GPR21: variants seen among roughly 807,000 people sequenced by gnomAD.
GPR21 encodes G protein-coupled receptor 21.
In GPR21, 9 loss-of-function variants were observed where a neutral mutation model predicts 21.5. The observed-to-expected ratio is 0.42, with a 90% CI of 0.25 to 0.73. The LOEUF (loss-of-function observed/expected upper bound fraction) is 0.73. Ranked by LOEUF, GPR21 falls within the 30% of genes least tolerant of loss-of-function variation. The pLI, the probability that GPR21 is intolerant of heterozygous loss-of-function variation, is 0.27. For synonymous variants in GPR21, 169 were observed against 159.3 expected (o/e 1.06, Z -0.46); for missense variants, 416 against 428.9 (o/e 0.97, Z 0.27).
chr9:123,035,580 TAGAAGC>T lies in GPR21; in HGVS notation c.1016_1021del (p.Arg339_Ser340del). Reference sequence around the variant, plus strand: ...CTACAGCCAACGACCCTTACACAGTTAGAAGCAAAGGCCCTCTTAATGGATGTCATA... The same window carrying T: ...CTACAGCCAACGACCCTTACACAGTTAAAGGCCCTCTTAATGGATGTCATA... On this transcript the variant is annotated inframe_deletion, in exon 2 of 2. Transcript: ENST00000616002. 1 of 1,604,222 alleles carries T rather than the reference TAGAAGC, an allele frequency of 6.2e-7. No homozygotes were observed.
At chr9:123,038,381 C>T (rs375982482), downstream of GPR21, among the ~76,000 whole-genome samples, 7 of 151,796 alleles carry the variant, frequency 4.6e-5, no homozygotes, top group Middle Eastern at 3.4e-3. Flanking sequence ...TTTTTTTTAC[C>T]GTAAATGCAT....
the GPR21 span, among the ~76,000 whole-genome samples, chr9:123,046,750 A>G: frequency 6.6e-6 from 1 of 152,258 alleles, no homozygotes; most frequent in South Asian, 2.1e-4. Flanking sequence ...GAATAAATTC[A>G]GAAAGATAAA....
Position 123,034,892 on chromosome 9 carries a change from T to C in GPR21, c.326T>C (p.Val109Ala). 1 of 1,613,702 alleles carries C rather than the reference T, an allele frequency of 6.2e-7. No individual in the cohort carries two copies. The highest frequency in any genetic ancestry group is 1.3e-5 in the African/African-American group (1 of 75,040). Reference protein sequence around the residue: ...SLTCQIFGFVVSVLKSVSMAS... With the variant: ...SLTCQIFGFVASVLKSVSMAS... ...ACTTGCCAGATATTTGGTTTTGTAG[T>C]ATCAGTTCTGAAGAGCGTCTCCATG... Residue 109 changes from valine (V) to alanine (A), a missense_variant, in exon 2 of 2, where the codon GTA becomes GCA. Physicochemically the swap from Val to Ala is moderately conservative, Grantham distance 64 (BLOSUM62 0). Coordinates refer to ENST00000616002, the MANE Select transcript of GPR21 (RefSeq NM_005294.3).
Position 123,035,506 on chromosome 9 carries a change from G to A in GPR21, c.940G>A (p.Gly314Arg), listed in dbSNP as rs1327214067. Residue 314 changes from glycine (G) to arginine (R), a missense_variant, in exon 2 of 2, where the codon GGA becomes AGA. Coordinates refer to ENST00000616002, the MANE Select transcript of GPR21 (RefSeq NM_005294.3). ...TCTCTCCAACAGTGTATTCCAAAGAGGACTAAAGCGCCTCTCAGGGGCTAT... is the reference window on the plus strand; with the variant it reads ...TCTCTCCAACAGTGTATTCCAAAGAAGACTAAAGCGCCTCTCAGGGGCTAT... ...YSLSNSVFQR[G>R]LKRLSGAMCT... 1 of 1,613,978 alleles carries A rather than the reference G, an allele frequency of 6.2e-7. No homozygotes were observed. Among genetic ancestry groups the A allele is most frequent in the Non-Finnish European group, 8.5e-7 (1 of 1,179,886 alleles).
chr9:123,034,330 C>T lies in GPR21; in HGVS notation c.-237C>T, dbSNP rs183137480. ...TGTATGGTGAACCTGGCACTATGGC[C>T]GCGTCTGGGACTGGCCAGACAACTG... On this transcript the variant is annotated 5_prime_UTR_variant, in exon 2 of 2. Transcript: ENST00000616002. 2.0e-5 allele frequency: 11 copies of T among 542,428 alleles called. No individual in the cohort carries two copies. Among genetic ancestry groups the T allele is most frequent in the South Asian group, 5.9e-5 (2 of 33,794 alleles). The allele number at this position is 542,428 out of a possible 1,614,324, so 33.6% of individuals were successfully genotyped here. A position where few individuals can be genotyped will look rare whatever the true frequency, so the allele number is the denominator to read the frequency against.
chr9:123,044,961 C>T, the GPR21 span, among the ~76,000 whole-genome samples: 1 of 152,064 alleles, frequency 6.6e-6, no homozygotes, highest in Non-Finnish European at 1.5e-5. Context: ...AAGTGATCTA[C>T]AATTTAACAA....
At chr9:123,039,120 G>A (rs956484714), downstream of GPR21, among the ~76,000 whole-genome samples, 2 of 152,130 alleles carry the variant, frequency 1.3e-5, no homozygotes, top group Non-Finnish European at 2.9e-5. Context: ...TCTTCTACAT[G>A]TAAGGAAGCC....
the GPR21 span, among the ~76,000 whole-genome samples, chr9:123,041,772 T>C: frequency 7.3e-4 from 111 of 152,222 alleles, no homozygotes; most frequent in Admixed American, 1.8e-3. Context: ...GCCTGATTTG[T>C]CTATTGACCA....
At chr9:123,038,369 A>AT (rs534550432), downstream of GPR21, among the ~76,000 whole-genome samples, 551 of 151,754 alleles carry the variant, frequency 3.6e-3, 1 homozygote, top group Admixed American at 0.014. Flanking sequence ...GAAAACTTGA[A>AT]TTTTTTTTTA....
chr9:123,034,798 GT>G lies in GPR21; in HGVS notation c.234del (p.Val80Ter). 1 of 1,613,856 alleles carries G rather than the reference GT, an allele frequency of 6.2e-7. No individual in the cohort carries two copies. The highest frequency in any genetic ancestry group is 1.7e-5 in the Admixed American group (1 of 60,004). On this transcript the variant is annotated frameshift_variant, in exon 2 of 2. Transcript: ENST00000616002. LOFTEE classifies it high-confidence loss of function. ...GACTATGGCATATGCTGACCTTTTT[GT>G]TGGGGTGAGCTGCGTGGTCCCTTCT... ...IQTMAYADLF[V>X]GVSCVVPSLS...
At chr9:123,045,503 G>T in the GPR21 span, among the ~76,000 whole-genome samples, 1 of 152,062 alleles carries the variant, frequency 6.6e-6, no homozygotes, top group Non-Finnish European at 1.5e-5. Flanking sequence ...TAATACTGAG[G>T]ATGTGTATTG....
At chr9:123,048,907 G>T in the GPR21 span, among the ~76,000 whole-genome samples, 1 of 152,180 alleles carries the variant, frequency 6.6e-6, no homozygotes, top group Admixed American at 6.5e-5. Flanking sequence ...CATGATTTGG[G>T]ACCGTTTTGC....
At chr9:123,047,369 G>A in the GPR21 span, among the ~76,000 whole-genome samples, 43 of 152,260 alleles carry the variant, frequency 2.8e-4, no homozygotes, top group African/African-American at 7.7e-4. Flanking sequence ...AAGATCATAA[G>A]TTGTCTAGTA....
chr9:123,035,998 T>C (rs1277082425), downstream of GPR21, among the ~76,000 whole-genome samples: 1 of 152,222 alleles, frequency 6.6e-6, no homozygotes, highest in African/African-American at 2.4e-5. Context: ...CACTTTCTTG[T>C]CACTTTCTGG....
chr9:123,044,550 T>C, the GPR21 span, among the ~76,000 whole-genome samples: 1 of 152,136 alleles, frequency 6.6e-6, no homozygotes, highest in Non-Finnish European at 1.5e-5. Context: ...TTTTGTTTTT[T>C]ACCAAGAGAA....
chr9:123,046,549 A>G, the GPR21 span, among the ~76,000 whole-genome samples: 1 of 152,288 alleles, frequency 6.6e-6, no homozygotes, highest in East Asian at 1.9e-4. Context: ...TAATCGTTCT[A>G]AGTCTCAGTT....
chr9:123,044,469 T>C, the GPR21 span, among the ~76,000 whole-genome samples: 4 of 152,188 alleles, frequency 2.6e-5, no homozygotes, highest in African/African-American at 9.7e-5. Flanking sequence ...CTTTAAGACC[T>C]TTTTGGTTTC....
Position 123,035,034 on chromosome 9 carries a change from C to G in GPR21, c.468C>G (p.Tyr156Ter). 2.5e-6 allele frequency: 4 copies of G among 1,613,964 alleles called. No homozygotes were observed. Among genetic ancestry groups the G allele is most frequent in the Non-Finnish European group, 3.4e-6 (4 of 1,179,828 alleles). ...LRLCIFLIWLYSTLVFLPSFF... is the reference protein window; with the variant it reads ...LRLCIFLIWL ...TGTGTATTTTCCTGATTTGGCTATA[C>G]TCGACCCTGGTCTTCCTGCCTTCCT... The change falls in exon 2 of 2, where the codon TAC becomes TAG. Residue 156 changes from tyrosine (Y) to a stop codon, truncating the protein, a stop_gained. Coordinates refer to ENST00000616002, the MANE Select transcript of GPR21 (RefSeq NM_005294.3). LOFTEE classifies it high-confidence loss of function.
chr9:123,047,806 G>C, the GPR21 span, among the ~76,000 whole-genome samples: 898 of 151,734 alleles, frequency 5.9e-3, 4 homozygotes, highest in South Asian at 8.8e-3. Context: ...ATGCAGTGCA[G>C]CAGTTCACTG....
Sources: gnomAD v4.1 joint callset for allele counts (sites outside exome capture counted in the v4.1 genomes callset) on GRCh38, gnomAD v4.1.1 for gene constraint, MANE v1.5 for transcripts, NCBI Gene and HGNC (gene_info 2026-07-23, HGNC 2026-07-21) for gene names.